Variants in SORCS1 observed in about 807,000 individuals in gnomAD.
The protein encoded by SORCS1 is sortilin related VPS10 domain containing receptor 1.
In SORCS1, 60 loss-of-function variants were observed where a neutral mutation model predicts 146.1. That is an observed-to-expected ratio of 0.41 (90% confidence interval 0.33 to 0.51). SORCS1 has a LOEUF of 0.51. SORCS1 is among the 20% of genes least tolerant of loss of function. The probability of loss-of-function intolerance (pLI) is 0.21; values close to 1 mark genes in which losing one functional copy is unlikely to be tolerated. For synonymous variants in SORCS1, 637 were observed against 584.0 expected, an observed-to-expected ratio of 1.09 and a Z score of -1.31; for missense variants, 1,352 against 1,487.6, an observed-to-expected ratio of 0.91 and a Z score of 1.50.
At chr10:107,063,969 A>C (rs1024020552) in intron 1 of SORCS1, among the ~76,000 whole-genome samples, 1 of 152,186 alleles carries the variant, frequency 6.6e-6, no homozygotes, top group Non-Finnish European at 1.5e-5. Flanking sequence ...TAAAATATTC[A>C]GTAGAATTCA....
chr10:107,064,251 G>T (rs1961522723), intron 1 of SORCS1, among the ~76,000 whole-genome samples: 1 of 152,192 alleles, frequency 6.6e-6, no homozygotes, highest in Non-Finnish European at 1.5e-5. Flanking sequence ...CCTAAACCCC[G>T]ATCTGGAAGG....
intron 17 of SORCS1, among the ~76,000 whole-genome samples, chr10:106,659,804 G>A (rs1301466960): frequency 6.6e-6 from 1 of 152,158 alleles, no homozygotes; most frequent in Non-Finnish European, 1.5e-5. Context: ...CATGTACAGT[G>A]ATATTCACCT....
intron 23 of SORCS1, among the ~76,000 whole-genome samples, chr10:106,602,431 A>AT (rs1433549944): frequency 3.3e-5 from 5 of 151,868 alleles, no homozygotes; most frequent in South Asian, 2.1e-4. Context: ...CAATTCATAC[A>AT]TTTTTTGCAT....
intron 19 of SORCS1, among the ~76,000 whole-genome samples, chr10:106,626,543 T>C (rs1848126022): frequency 1.3e-5 from 2 of 152,194 alleles, no homozygotes; most frequent in Non-Finnish European, 2.9e-5. Flanking sequence ...ATCTTTAAGA[T>C]GCCTGAGAGT....
At chr10:106,803,064 C>T (rs1441678950) in intron 3 of SORCS1, among the ~76,000 whole-genome samples, 1 of 152,196 alleles carries the variant, frequency 6.6e-6, no homozygotes, top group African/African-American at 2.4e-5. Context: ...ACTTCTCTTT[C>T]ACTTGATCAC....
rs149318827 is a variant in SORCS1, at chr10:106,987,190, T to A, written c.559-30610A>T. ...TTTTCTTTGGATGAGACTCTTTGGA[T>A]TTTCACTTAGGCTTCTGGAAAATTC... On this transcript the variant is annotated intron_variant, in intron 1 of 25. Coordinates refer to ENST00000263054, the MANE Select transcript of SORCS1 (RefSeq NM_052918.5). Among the ~76,000 whole-genome samples the A allele has an allele frequency of 5.5e-3, 833 of 152,344 alleles. 5 individuals are homozygous for A. Among genetic ancestry groups the A allele is most frequent in the Middle Eastern group, 0.034 (10 of 294 alleles).
intron 5 of SORCS1, among the ~76,000 whole-genome samples, chr10:106,742,985 T>G (rs1221502930): frequency 6.6e-6 from 1 of 152,224 alleles, no homozygotes; most frequent in Non-Finnish European, 1.5e-5. Context: ...GCCAGTTTGC[T>G]TTTGAACTCA....
rs149649044 is a variant in SORCS1, at chr10:106,610,017, C to A, written c.3033+1894G>T. The stretch of plus-strand genomic sequence containing the variant: ...CAGAGGACAAAAACCAGTTGTTACC[C>A]TAGAGACGGATGGCTCAGAGTAGAA... On this transcript the variant is annotated intron_variant, in intron 22 of 25. Transcript: ENST00000263054. 6.2e-3 allele frequency among the ~76,000 whole-genome samples: 940 copies of A among 152,278 alleles called. 4 individuals carry two copies. The highest frequency in any genetic ancestry group is 9.9e-3 in the Non-Finnish European group (675 of 68,020).
intron 3 of SORCS1, among the ~76,000 whole-genome samples, chr10:106,802,430 C>T (rs1390363544): frequency 6.6e-6 from 1 of 151,916 alleles, no homozygotes. Flanking sequence ...CTCCCGGGTT[C>T]AAACAATCCT....
At chr10:107,123,921 CAA>C (rs57896261) in intron 1 of SORCS1, among the ~76,000 whole-genome samples, 62 of 113,478 alleles carry the variant, frequency 5.5e-4, no homozygotes, top group Middle Eastern at 4.7e-3. Context: ...ACTAAAAATA[CAA>C]AAAAAAAAAA....
chr10:106,802,821 G>A (rs1946975308), intron 3 of SORCS1, among the ~76,000 whole-genome samples: 1 of 151,906 alleles, frequency 6.6e-6, no homozygotes, highest in Non-Finnish European at 1.5e-5. Flanking sequence ...TTTTAGTAGA[G>A]ACAGGGTTTC....
chr10:106,872,806 C>A (rs886967371), intron 2 of SORCS1, among the ~76,000 whole-genome samples: 1 of 152,054 alleles, frequency 6.6e-6, no homozygotes, highest in African/African-American at 2.4e-5. Flanking sequence ...TATCTTAAAT[C>A]TCAAGGGAAG....
At chr10:107,126,376 C>T (rs969458411) in intron 1 of SORCS1, among the ~76,000 whole-genome samples, 3 of 152,226 alleles carry the variant, frequency 2.0e-5, no homozygotes, top group Non-Finnish European at 4.4e-5. Flanking sequence ...AATTGCCCTG[C>T]ACCACCCAGA....
At chr10:106,688,078 C>T (rs821935) in intron 10 of SORCS1, 114 bp downstream of exon 10, 1,293,666 of 1,433,990 alleles carry the variant, frequency 0.9, 591,021 homozygotes, top group Non-Finnish European at 0.94. Flanking sequence ...CCCTTCCCCA[C>T]TCCCTTTTGT....
intron 17 of SORCS1, among the ~76,000 whole-genome samples, chr10:106,656,418 G>A (rs996088019): frequency 3.7e-4 from 57 of 152,278 alleles, no homozygotes; most frequent in African/African-American, 1.4e-3. Flanking sequence ...GGGCTTGCTG[G>A]CGGGCGCCTG....
chr10:106,772,812 G>A (rs1860126840), intron 4 of SORCS1, among the ~76,000 whole-genome samples: 2 of 152,020 alleles, frequency 1.3e-5, no homozygotes, highest in South Asian at 4.1e-4. Flanking sequence ...CCTCCACTGG[G>A]ATTTAGGCAC....
At chr10:106,942,865 T>C (rs1367466435) in intron 2 of SORCS1, among the ~76,000 whole-genome samples, 1 of 152,212 alleles carries the variant, frequency 6.6e-6, no homozygotes, top group Non-Finnish European at 1.5e-5. Context: ...TTTCACTGAT[T>C]TCTCCCTGGG....
chr10:107,088,894 A>G (rs1306687487), intron 1 of SORCS1, among the ~76,000 whole-genome samples: 1 of 152,224 alleles, frequency 6.6e-6, no homozygotes, highest in South Asian at 2.1e-4. Context: ...GTAATTTCCA[A>G]TCAGTGCCTC....
intron 25 of SORCS1, chr10:106,579,097 G>T: frequency 3.7e-6 from 6 of 1,613,888 alleles, no homozygotes; most frequent in Non-Finnish European, 5.1e-6. Flanking sequence ...TTACCTATGA[G>T]CTGGGATTCC....
Sources: allele counts gnomAD v4.1 joint callset (sites outside exome capture counted in the v4.1 genomes callset), GRCh38; gene constraint gnomAD v4.1.1; transcripts MANE v1.5; gene names NCBI Gene and HGNC (gene_info 2026-07-23, HGNC 2026-07-21).